The following CBLB variants were observed in gnomAD, a reference collection of about 807,000 sequenced individuals.
The protein encoded by CBLB is Cbl proto-oncogene B.
In CBLB, 31 loss-of-function variants were observed where a neutral mutation model predicts 104.9. The ratio of observed to expected loss-of-function variants is 0.30; its 90% confidence interval spans 0.22 to 0.40. The LOEUF is 0.40. Ranked by LOEUF, CBLB falls within the 10% of genes least tolerant of loss-of-function variation. CBLB has a pLI of 1.00. For synonymous variants in CBLB, 440 were observed against 422.6 expected, an observed-to-expected ratio of 1.04 and a Z score of -0.51; for missense variants, 1,062 against 1,214.6, an observed-to-expected ratio of 0.87 and a Z score of 1.87.
intron 18 of CBLB, among the ~76,000 whole-genome samples, chr3:105,667,466 A>G (rs2064596574): frequency 6.6e-6 from 1 of 152,192 alleles, no homozygotes; most frequent in Admixed American, 6.5e-5. Context: ...ACTAGCAAAA[A>G]TGTTTGTCCT....
At position 105,776,409 on chromosome 3, in the gene CBLB, A is replaced by C. The variant is rs763235989; in HGVS notation, c.553T>G (p.Phe185Val). 2.5e-6 allele frequency: 4 copies of C among 1,613,574 alleles called. No individual in the cohort carries two copies. The highest frequency in any genetic ancestry group is 3.4e-6 in the Non-Finnish European group (4 of 1,179,830). Reference sequence around the variant, plus strand: ...ATTTTTACTTACTTGTCTCCAAAAAACTTTCTCCAGAATTCAGCAGCATCT... The same window carrying C: ...ATTTTTACTTACTTGTCTCCAAAAACCTTTCTCCAGAATTCAGCAGCATCT... Reference protein sequence around the residue: ...KADAAEFWRKFFGDKTIVPWK... With the variant: ...KADAAEFWRKVFGDKTIVPWK... The change falls in exon 4 of 19, where the codon TTT becomes GTT. Residue 185 changes from phenylalanine to valine, a missense_variant. By Grantham distance (50) the Phe-to-Val change is conservative (BLOSUM62 -1). This residue lies in a region of CBLB where 457 missense variants were observed against 632.0 expected (regional missense o/e 0.72). Transcript: ENST00000394030.
intron 4 of CBLB, among the ~76,000 whole-genome samples, chr3:105,755,736 T>A (rs2077028885): frequency 6.6e-6 from 1 of 152,188 alleles, no homozygotes; most frequent in African/African-American, 2.4e-5. Context: ...AGCCTATACA[T>A]TATGACTAAG....
At chr3:105,699,751 G>A (rs986125452) in intron 12 of CBLB, among the ~76,000 whole-genome samples, 1 of 152,126 alleles carries the variant, frequency 6.6e-6, no homozygotes, top group African/African-American at 2.4e-5. Flanking sequence ...GACATGGTCT[G>A]TTTTATAGTT....
rs574587897 is a variant in CBLB at position 105,670,704 on chromosome 3, G to C, written c.2570-352C>G. 5.1e-5 allele frequency: 12 copies of C among 235,722 alleles called. No individual in the cohort carries two copies. In the South Asian group the frequency reaches 6.8e-4, roughly 13 times the overall value. The allele number at this position is 235,722 out of a possible 1,614,324, so 14.6% of individuals were successfully genotyped here. A position where few individuals can be genotyped will look rare whatever the true frequency, so the allele number is the denominator to read the frequency against. ...GTATAGAAACTGTTCTAAAGTAAAA[G>C]CAAAAAACAAACAAACAAATATACA... On this transcript the variant is annotated intron_variant, in intron 17 of 18. Coordinates refer to ENST00000394030, the MANE Select transcript of CBLB (RefSeq NM_170662.5).
At chr3:105,693,697 A>G (rs1576389534) in intron 12 of CBLB, 109 bp from the exon 13 acceptor site, 3 of 741,840 alleles carry the variant, frequency 4.0e-6, no homozygotes, top group Admixed American at 2.0e-5. Flanking sequence ...GTATATTTAA[A>G]TAAGTGAAAT....
Position 105,720,307 on chromosome 3 carries a change from A to G in CBLB, c.1204-57T>C, listed in dbSNP as rs982434714. 11 of 1,449,584 alleles carry G rather than the reference A, an allele frequency of 7.6e-6. No homozygotes were observed. In the African/African-American group the frequency reaches 1.1e-4, roughly 15 times the overall value. 89.8% of individuals were successfully genotyped at this position (1,449,584 alleles called of 1,614,324 possible). A position where few individuals can be genotyped will look rare whatever the true frequency, so the allele number is the denominator to read the frequency against. On this transcript the variant is annotated intron_variant, in intron 9 of 18. Coordinates refer to ENST00000394030, the MANE Select transcript of CBLB (RefSeq NM_170662.5). ...TGTTCAAAATAAACAGTACCGAGAA[A>G]TGCTAATAATGTTCTACAACTATAA...
At chr3:105,768,347 A>G (rs2078462123) in intron 4 of CBLB, among the ~76,000 whole-genome samples, 1 of 152,236 alleles carries the variant, frequency 6.6e-6, no homozygotes, top group Admixed American at 6.5e-5. Context: ...AATATAAGCA[A>G]AGACATAGAA....
At chr3:105,868,414 G>A in intron 1 of CBLB, 1 of 399,856 alleles carries the variant, frequency 2.5e-6, no homozygotes, top group Non-Finnish European at 4.3e-6. Context: ...AGGTGGACTG[G>A]GAGGGGACAA....
At chr3:105,801,762 A>T (rs1452710067) in intron 3 of CBLB, among the ~76,000 whole-genome samples, 1 of 152,220 alleles carries the variant, frequency 6.6e-6, no homozygotes, top group African/African-American at 2.4e-5. Flanking sequence ...CAACAACAAC[A>T]ATGACAAAAA....
At chr3:105,800,226 G>A (rs2082683797) in intron 3 of CBLB, among the ~76,000 whole-genome samples, 1 of 152,120 alleles carries the variant, frequency 6.6e-6, no homozygotes. Flanking sequence ...ATCCGCATGT[G>A]CAGACCAGTA....
At chr3:105,685,695 A>G (rs1011689481) in intron 13 of CBLB, among the ~76,000 whole-genome samples, 3 of 152,212 alleles carry the variant, frequency 2.0e-5, no homozygotes, top group African/African-American at 7.2e-5. Context: ...ACAATTTTAA[A>G]TGGCACAATA....
At chr3:105,864,948 G>A (rs1052155853) in intron 2 of CBLB, among the ~76,000 whole-genome samples, 3 of 152,080 alleles carry the variant, frequency 2.0e-5, no homozygotes, top group Admixed American at 1.3e-4. Flanking sequence ...TTGCAAAGAG[G>A]CTTCATAAGA....
chr3:105,855,692 C>T (rs188593096), intron 2 of CBLB, among the ~76,000 whole-genome samples: 177 of 152,124 alleles, frequency 1.2e-3, no homozygotes, highest in African/African-American at 4.0e-3. Context: ...TATGCGGTAA[C>T]GGAAGATAAT....
chr3:105,836,245 C>T (rs1398262280), intron 3 of CBLB, among the ~76,000 whole-genome samples: 1 of 152,170 alleles, frequency 6.6e-6, no homozygotes. Flanking sequence ...ATCAAAAGAT[C>T]CTCTCAATGA....
intron 3 of CBLB, among the ~76,000 whole-genome samples, chr3:105,786,485 T>G (rs919687025): frequency 6.6e-6 from 1 of 152,140 alleles, no homozygotes; most frequent in African/African-American, 2.4e-5. Flanking sequence ...TCTGGGGCAC[T>G]CAAGCCAAAC....
intron 3 of CBLB, among the ~76,000 whole-genome samples, chr3:105,803,795 G>A (rs1388948604): frequency 1.3e-5 from 2 of 152,072 alleles, no homozygotes; most frequent in East Asian, 3.9e-4. Context: ...CTACTTGAAG[G>A]GGTCACTTAT....
At chr3:105,837,787 C>A (rs183443968) in intron 3 of CBLB, among the ~76,000 whole-genome samples, 1 of 152,138 alleles carries the variant, frequency 6.6e-6, no homozygotes, top group Non-Finnish European at 1.5e-5. Context: ...CTTCTAAAAT[C>A]GCCAGTACTC....
chr3:105,837,043 A>G (rs1015309656), intron 3 of CBLB, among the ~76,000 whole-genome samples: 22 of 152,204 alleles, frequency 1.4e-4, no homozygotes, highest in African/African-American at 4.6e-4. Flanking sequence ...GGAAAGAAAA[A>G]GAGATAGCAG....
At chr3:105,748,548 G>A (rs186770585) in intron 5 of CBLB, among the ~76,000 whole-genome samples, 1 of 152,254 alleles carries the variant, frequency 6.6e-6, no homozygotes, top group East Asian at 1.9e-4. Flanking sequence ...CAGGGAGAAG[G>A]AAGGGAGAAG....
Sources: allele counts gnomAD v4.1 joint callset (sites outside exome capture counted in the v4.1 genomes callset), GRCh38; gene constraint gnomAD v4.1.1; regional missense constraint gnomAD v4.1.1; transcripts MANE v1.5; gene names NCBI Gene and HGNC (gene_info 2026-07-23, HGNC 2026-07-21).